Variants in FUNDC2 observed in about 807,000 individuals in gnomAD.
FUNDC2 encodes the protein FUN14 domain containing 2.
Under a neutral mutation model 15.6 loss-of-function variants are expected in FUNDC2, and 4 were observed. The observed-to-expected ratio is 0.26, with a 90% CI of 0.13 to 0.59. FUNDC2 has a LOEUF of 0.59. Among genes scored for constraint, FUNDC2 ranks in the 20% least tolerant of loss-of-function variants. FUNDC2 has a pLI of 0.90. For missense variants in FUNDC2, 98 were observed against 149.7 expected, an observed-to-expected ratio of 0.65 and a Z score of 1.80; for synonymous variants, 44 against 56.9, an observed-to-expected ratio of 0.77 and a Z score of 1.02.
chrX:155,055,713 C>CTAGAATA lies in FUNDC2; in HGVS notation c.*1043_*1049dup, dbSNP rs1202936313. The stretch of plus-strand genomic sequence containing the variant: ...CATGTTACCATGTCTACAGTCCCTA[C>CTAGAATA]TAGAATATCAGTCAGCTTTCAGAGG... On this transcript the variant is annotated 3_prime_UTR_variant, in exon 5 of 5. Coordinates refer to ENST00000369498, the MANE Select transcript of FUNDC2 (RefSeq NM_023934.4). The CTAGAATA allele has an allele frequency of 8.0e-6, 1 of 125,452 alleles. No individual in the cohort carries two copies. Among genetic ancestry groups the CTAGAATA allele is most frequent in the Non-Finnish European group, 1.6e-5 (1 of 62,294 alleles). 10.3% of individuals were successfully genotyped at this position (125,452 alleles called of 1,213,427 possible).
chrX:155,036,583 C>T (rs1485418971), intron 2 of FUNDC2, among the ~76,000 whole-genome samples: 1 of 111,654 alleles, frequency 9.0e-6, no homozygotes, highest in African/African-American at 3.3e-5. Context: ...CCAAGATTTT[C>T]TCTCGCTTTT....
intron 1 of FUNDC2, 118 bp from the exon 2 acceptor site, chrX:155,033,285 T>C: frequency 8.8e-6 from 5 of 570,924 alleles, no homozygotes; most frequent in Non-Finnish European, 1.3e-5. Flanking sequence ...ATAAATTTAC[T>C]ATTTAAAATA....
At chrX:155,053,751 C>T (rs2073885498) in intron 4 of FUNDC2, 1 of 671,352 alleles carries the variant, frequency 1.5e-6, no homozygotes. Context: ...GGATGGAAGT[C>T]ACCGTACTTG....
In FUNDC2 at chrX:155,054,669, C is replaced by G. The variant is rs142142951; in HGVS notation, c.567C>G (p.Ser189=). 7.8e-5 allele frequency: 94 copies of G among 1,203,565 alleles called. No individual in the cohort carries two copies. Among genetic ancestry groups the G allele is most frequent in the Non-Finnish European group, 1.0e-4 (90 of 889,878 alleles). ...GAGGCTTTCTGCTTGGCATGGCATC[C>G]TAAGGAAGATGACCTCATGTTCATT... is the stretch of plus-strand genomic sequence containing the variant. ...FFGGFLLGMA[S] Residue 189 remains serine (S), a synonymous_variant, in exon 5 of 5, where the codon TCC becomes TCG. Transcript: ENST00000369498.
rs782761650 is a variant in FUNDC2, at chrX:155,053,129, A to G, written c.492+1328A>G. Among the ~76,000 whole-genome samples the G allele has an allele frequency of 2.7e-5, 3 of 112,816 alleles. No individual in the cohort carries two copies. The South Asian group carries it at 1.1e-3, about 42-fold the overall frequency. On this transcript the variant is annotated intron_variant, in intron 4 of 4. Transcript: ENST00000369498. ...AGCAGTATTCCCACCTCGGCCTCCCAAAGTGCTGGCATTACAGGTGTGAGC... is the reference window on the plus strand; with the variant it reads ...AGCAGTATTCCCACCTCGGCCTCCCGAAGTGCTGGCATTACAGGTGTGAGC...
In FUNDC2 at chrX:155,056,498, C is replaced by A. The variant is rs143259546; in HGVS notation, c.*1826C>A. 1 of 105,654 alleles carries A rather than the reference C, an allele frequency of 9.5e-6. No individual in the cohort carries two copies. The highest frequency in any genetic ancestry group is 3.5e-5 in the African/African-American group (1 of 28,377). 8.7% of individuals were successfully genotyped at this position (105,654 alleles called of 1,213,427 possible). A position where few individuals can be genotyped will look rare whatever the true frequency, so the allele number is the denominator to read the frequency against. The stretch of plus-strand genomic sequence containing the variant: ...TCGTATTTGCATGATTTGGATAAGT[C>A]TCTTAACCTTATAGATCCTCCTCTA... On this transcript the variant is annotated 3_prime_UTR_variant, in exon 5 of 5. Transcript: ENST00000369498.
At chrX:155,039,113 T>A (rs1416893528) in intron 2 of FUNDC2, among the ~76,000 whole-genome samples, 1 of 112,341 alleles carries the variant, frequency 8.9e-6, no homozygotes, top group Non-Finnish European at 1.9e-5. Flanking sequence ...TGAGCATTTT[T>A]TTCATATACC....
chrX:155,035,650 C>A (rs1480536989), intron 2 of FUNDC2, among the ~76,000 whole-genome samples: 1 of 111,660 alleles, frequency 9.0e-6, no homozygotes, highest in African/African-American at 3.3e-5. Context: ...AGTATATATT[C>A]TTTTTTGTCT....
At position 155,060,069 on chromosome X, in the gene FUNDC2, CTTT is replaced by C. The variant is rs1456301949; in HGVS notation, c.*5400_*5402del. ...TTTATAAATTACCGAGTCTCAGGCA[CTTT>C]TTATAGCAATGCAACAATGGACTAA... On this transcript the variant is annotated 3_prime_UTR_variant, in exon 5 of 5. Transcript: ENST00000369498. 5.4e-5 allele frequency: 6 copies of C among 112,073 alleles called. No individual in the cohort carries two copies. Among genetic ancestry groups the C allele is most frequent in the African/African-American group, 1.9e-4 (6 of 30,799 alleles). 9.2% of individuals were successfully genotyped at this position (112,073 alleles called of 1,213,427 possible).
At chrX:155,040,857 G>A (rs782559462) in intron 2 of FUNDC2, among the ~76,000 whole-genome samples, 3 of 110,564 alleles carry the variant, frequency 2.7e-5, no homozygotes, top group South Asian at 7.6e-4. Context: ...TTTTTAATTG[G>A]GTTTATCTTT....
In FUNDC2 at chrX:155,056,826, T is replaced by A. The variant is rs1378288105; in HGVS notation, c.*2154T>A. 8.9e-6 allele frequency: 1 copy of A among 111,887 alleles called. No homozygotes were observed. The highest frequency in any genetic ancestry group is 1.9e-5 in the Non-Finnish European group (1 of 53,186). The allele number at this position is 111,887 out of a possible 1,213,427, so 9.2% of individuals were successfully genotyped here. On this transcript the variant is annotated 3_prime_UTR_variant, in exon 5 of 5. Coordinates refer to ENST00000369498, the MANE Select transcript of FUNDC2 (RefSeq NM_023934.4). The stretch of plus-strand genomic sequence containing the variant: ...GGTAGGGGTTGTCTTTTGGTGCATC[T>A]GTTTTTCCTGTGATTATTGGTGAGG...
intron 1 of FUNDC2, among the ~76,000 whole-genome samples, chrX:155,030,490 G>A (rs1202566586): frequency 1.8e-5 from 2 of 110,071 alleles, no homozygotes; most frequent in East Asian, 2.8e-4. Context: ...GCAGTAATCT[G>A]TGATAGTGCC....
chrX:155,031,542 C>T (rs1240861060), intron 1 of FUNDC2, among the ~76,000 whole-genome samples: 1 of 112,301 alleles, frequency 8.9e-6, no homozygotes, highest in Non-Finnish European at 1.9e-5. Context: ...GTTGGCCAGG[C>T]TGGTCTTGAA....
chrX:155,036,082 C>A (rs1394214110), intron 2 of FUNDC2, among the ~76,000 whole-genome samples: 1 of 112,062 alleles, frequency 8.9e-6, no homozygotes, highest in Non-Finnish European at 1.9e-5. Flanking sequence ...TCTAAATTTA[C>A]AAGTACCTGC....
chrX:155,057,023 TTGCA>T lies in FUNDC2; in HGVS notation c.*2352_*2355del, dbSNP rs2073904352. The stretch of plus-strand genomic sequence containing the variant: ...GTGAGGGTCATGGTTGAGGTCAGTA[TTGCA>T]GGTTGGCCTCATCCTGCTAGTATGA... On this transcript the variant is annotated 3_prime_UTR_variant, in exon 5 of 5. Coordinates refer to ENST00000369498, the MANE Select transcript of FUNDC2 (RefSeq NM_023934.4). 3 of 102,039 alleles carry T rather than the reference TTGCA, an allele frequency of 2.9e-5. No individual in the cohort carries two copies. Among genetic ancestry groups the T allele is most frequent in the Non-Finnish European group, 4.2e-5 (2 of 48,164 alleles). 8.4% of individuals were successfully genotyped at this position (102,039 alleles called of 1,213,427 possible). A position where few individuals can be genotyped will look rare whatever the true frequency, so the allele number is the denominator to read the frequency against.
In FUNDC2 at chrX:155,054,627, A is replaced by G; in HGVS notation, c.525A>G (p.Val175=). ...VVSFVKKNVL[V]TGGFFGGFLL... is the part of the protein sequence containing the mutation. ...CATTTGTGAAGAAGAATGTTCTAGT[A>G]ACTGGGGGATTTTTCGGAGGCTTTC... Residue 175 remains valine, a synonymous_variant, in exon 5 of 5, where the codon GTA becomes GTG. Transcript: ENST00000369498. 1 of 1,211,494 alleles carries G rather than the reference A, an allele frequency of 8.3e-7. No homozygotes were observed. Among genetic ancestry groups the G allele is most frequent in the Non-Finnish European group, 1.1e-6 (1 of 895,279 alleles).
At chrX:155,047,726 TC>T (rs1210696905) in intron 3 of FUNDC2, among the ~76,000 whole-genome samples, 3 of 109,928 alleles carry the variant, frequency 2.7e-5, no homozygotes, top group African/African-American at 1.0e-4. Flanking sequence ...TCTCCTTATT[TC>T]CCCCCTGTCC....
rs1473663536 is a variant in FUNDC2, at chrX:155,057,030, TTGGCCTCATCCTGCTAGTA to T, written c.*2361_*2379del. The stretch of plus-strand genomic sequence containing the variant: ...TCATGGTTGAGGTCAGTATTGCAGG[TTGGCCTCATCCTGCTAGTA>T]TGAGAACGGCTGTGAGTTCTGCCCA... On this transcript the variant is annotated 3_prime_UTR_variant, in exon 5 of 5. Coordinates refer to ENST00000369498, the MANE Select transcript of FUNDC2 (RefSeq NM_023934.4). 3.0e-5 allele frequency: 3 copies of T among 99,926 alleles called. No homozygotes were observed. The highest frequency in any genetic ancestry group is 4.2e-5 in the Non-Finnish European group (2 of 48,086). 8.2% of individuals were successfully genotyped at this position (99,926 alleles called of 1,213,427 possible).
At chrX:155,032,121 G>A (rs887428713) in intron 1 of FUNDC2, among the ~76,000 whole-genome samples, 1 of 108,948 alleles carries the variant, frequency 9.2e-6, no homozygotes, top group African/African-American at 3.4e-5. Context: ...GATTACAGGC[G>A]CATGCCACCA....
Sources: gnomAD v4.1 joint callset for allele counts (sites outside exome capture counted in the v4.1 genomes callset) on GRCh38, gnomAD v4.1.1 for gene constraint, MANE v1.5 for transcripts, NCBI Gene and HGNC (gene_info 2026-07-23, HGNC 2026-07-21) for gene names.